PRKCA: variants seen among roughly 807,000 people sequenced by gnomAD.
PRKCA encodes the protein protein kinase C alpha type.
In PRKCA, 27 loss-of-function variants were observed where a neutral mutation model predicts 87.0. The ratio of observed to expected loss-of-function variants is 0.31; its 90% CI spans 0.23 to 0.43. The LOEUF (loss-of-function observed/expected upper bound fraction) is 0.43. Ranked by LOEUF, PRKCA falls within the 20% of genes least tolerant of loss-of-function variation. PRKCA has a pLI of 1.00. For missense variants in PRKCA, 518 were observed against 852.3 expected, an observed-to-expected ratio of 0.61 and a Z score of 4.88; for synonymous variants, 329 against 311.1, an observed-to-expected ratio of 1.06 and a Z score of -0.61.
intron 3 of PRKCA, among the ~76,000 whole-genome samples, chr17:66,611,650 A>G (rs1046687700): frequency 6.6e-6 from 1 of 152,214 alleles, no homozygotes; most frequent in African/African-American, 2.4e-5. Flanking sequence ...TGAACATTAC[A>G]GGTTTCATGT....
chr17:66,776,175 A>G (rs1216097754), intron 14 of PRKCA, among the ~76,000 whole-genome samples: 1 of 152,234 alleles, frequency 6.6e-6, no homozygotes, highest in Non-Finnish European at 1.5e-5. Flanking sequence ...CCAGAGAGGA[A>G]GAGGCTCTGG....
intron 3 of PRKCA, among the ~76,000 whole-genome samples, chr17:66,602,532 C>A (rs561754974): frequency 6.6e-6 from 1 of 152,092 alleles, no homozygotes; most frequent in African/African-American, 2.4e-5. Context: ...CCGTCTTCTG[C>A]GTCGCTCACG....
At chr17:66,757,142 A>G (rs1287248840) in intron 13 of PRKCA, among the ~76,000 whole-genome samples, 1 of 152,002 alleles carries the variant, frequency 6.6e-6, no homozygotes. Flanking sequence ...GCTCATCTGT[A>G]GACTGGACAC....
At chr17:66,785,265 G>C (rs555774877) in intron 14 of PRKCA, among the ~76,000 whole-genome samples, 3 of 151,996 alleles carry the variant, frequency 2.0e-5, no homozygotes, top group Admixed American at 2.0e-4. Flanking sequence ...TTGAGGGGAG[G>C]GACCTACTTG....
chr17:66,758,674 A>G (rs1005176190), intron 13 of PRKCA, among the ~76,000 whole-genome samples: 15 of 152,256 alleles, frequency 9.9e-5, no homozygotes, highest in African/African-American at 3.4e-4. Flanking sequence ...TAACCACCAG[A>G]CATTCCTTCC....
intron 2 of PRKCA, among the ~76,000 whole-genome samples, chr17:66,449,470 A>T (rs1914203059): frequency 6.6e-6 from 1 of 152,090 alleles, no homozygotes; most frequent in South Asian, 2.1e-4. Flanking sequence ...TCTTGTTTAT[A>T]TTCTTTCAAT....
intron 3 of PRKCA, among the ~76,000 whole-genome samples, chr17:66,580,447 C>T (rs1430278445): frequency 1.3e-5 from 2 of 152,166 alleles, no homozygotes; most frequent in African/African-American, 4.8e-5. Flanking sequence ...ACAGGCTGCC[C>T]CTCTTGGCTC....
At chr17:66,478,228 C>T (rs1295369165) in intron 2 of PRKCA, among the ~76,000 whole-genome samples, 5 of 152,096 alleles carry the variant, frequency 3.3e-5, no homozygotes, top group Middle Eastern at 3.4e-3. Context: ...CCTCTAGCTC[C>T]GTGAATCTGC....
At chr17:66,442,810 TG>T (rs1334424208) in intron 2 of PRKCA, among the ~76,000 whole-genome samples, 1 of 152,238 alleles carries the variant, frequency 6.6e-6, no homozygotes, top group Non-Finnish European at 1.5e-5. Context: ...ATCCATTTTT[TG>T]CCTTTTCTTA....
Position 66,663,055 on chromosome 17 carries a change from T to C in PRKCA, c.529+17544T>C, listed in dbSNP as rs137872743. On this transcript the variant is annotated intron_variant, in intron 5 of 16. Coordinates refer to ENST00000413366, the MANE Select transcript of PRKCA (RefSeq NM_002737.3). ...CTGGCGGATGGAGGAAGGATACCCT[T>C]GCCGGTGGACAGTTGCCTCCTAATC... 5.2e-3 allele frequency among the ~76,000 whole-genome samples: 785 copies of C among 152,328 alleles called. 10 individuals carry two copies. The highest frequency in any genetic ancestry group is 0.016 in the African/African-American group (675 of 41,572).
At chr17:66,656,839 G>A (rs897126170) in intron 5 of PRKCA, among the ~76,000 whole-genome samples, 5 of 152,186 alleles carry the variant, frequency 3.3e-5, no homozygotes, top group Admixed American at 3.3e-4. Flanking sequence ...CGGTGGGTGG[G>A]TAGGAATGGC....
intron 3 of PRKCA, among the ~76,000 whole-genome samples, chr17:66,619,760 G>C (rs552456652): frequency 6.6e-6 from 1 of 152,278 alleles, no homozygotes; most frequent in South Asian, 2.1e-4. Context: ...CTTAAGAAGT[G>C]TATTATCTTC....
chr17:66,393,619 G>A (rs982576229), intron 2 of PRKCA, among the ~76,000 whole-genome samples: 1 of 150,314 alleles, frequency 6.7e-6, no homozygotes. Context: ...GAGGCCTCTC[G>A]GCCTTCTTCC....
chr17:66,593,050 A>G (rs1417808224), intron 3 of PRKCA, among the ~76,000 whole-genome samples: 1 of 152,216 alleles, frequency 6.6e-6, no homozygotes, highest in Admixed American at 6.5e-5. Context: ...TCAGCCTACC[A>G]AAGTGCTGGG....
At chr17:66,640,054 G>A (rs1218748159) in intron 3 of PRKCA, among the ~76,000 whole-genome samples, 1 of 151,982 alleles carries the variant, frequency 6.6e-6, no homozygotes, top group Non-Finnish European at 1.5e-5. Context: ...AAGCAGAGGC[G>A]CTTATCTGCA....
rs145678624 is a variant in PRKCA at position 66,361,844 on chromosome 17, G to A, written c.205+55717G>A. Among the ~76,000 whole-genome samples the A allele has an allele frequency of 7.9e-5, 12 of 152,240 alleles. No homozygotes were observed. The East Asian group carries it at 2.3e-3, about 29-fold the overall frequency. On this transcript the variant is annotated intron_variant, in intron 2 of 16. Transcript: ENST00000413366. ...TTCCTGAACATGTTCTCTGCGTCAG[G>A]CACCAATCTAAGTGGGACTTGGCTC... is the stretch of plus-strand genomic sequence containing the variant.
Position 66,491,922 on chromosome 17 carries a change from G to C in PRKCA, c.206-4279G>C, listed in dbSNP as rs545256146. Among the ~76,000 whole-genome samples the C allele has an allele frequency of 4.1e-3, 628 of 152,310 alleles. 4 individuals are homozygous for C. Among genetic ancestry groups the C allele is most frequent in the Non-Finnish European group, 7.0e-3 (476 of 68,032 alleles). ...GCACATGCTGCATGCAGCCAGCGTC[G>C]GCCAACCTCCAAGCTCCTCTTTCCT... is the stretch of plus-strand genomic sequence containing the variant. On this transcript the variant is annotated intron_variant, in intron 2 of 16. Transcript: ENST00000413366.
In PRKCA at chr17:66,803,686, G is replaced by A. The variant is rs899990195; in HGVS notation, c.1855-187G>A. Among the ~76,000 whole-genome samples the A allele has an allele frequency of 6.6e-6, 1 of 152,118 alleles. No homozygotes were observed. The highest frequency in any genetic ancestry group is 1.5e-5 in the Non-Finnish European group (1 of 68,030). ...GGGGTGTTTCAGGGTTTACAGTTGG[G>A]TAACTCGTTGTTGTCTGCTGTGCCT... On this transcript the variant is annotated intron_variant, in intron 16 of 16. Coordinates refer to ENST00000413366, the MANE Select transcript of PRKCA (RefSeq NM_002737.3). This position sits in a 1 kb window ranked among gnomAD's most constrained non-coding sequence, Gnocchi z 4.4.
intron 3 of PRKCA, among the ~76,000 whole-genome samples, chr17:66,515,358 C>T (rs1031380559): frequency 6.6e-6 from 1 of 151,728 alleles, no homozygotes; most frequent in Non-Finnish European, 1.5e-5. Context: ...GATTGCCTTA[C>T]CATGTGTGCA....
Sources: gnomAD v4.1 joint callset for allele counts (sites outside exome capture counted in the v4.1 genomes callset) on GRCh38, gnomAD v4.1.1 for gene constraint, Gnocchi (gnomAD v3.1) non-coding constraint, MANE v1.5 for transcripts, NCBI Gene and HGNC (gene_info 2026-07-23, HGNC 2026-07-21) for gene names.